Variants in PLA2G4E observed in about 807,000 individuals in gnomAD.
PLA2G4E encodes the protein phospholipase A2 group IVE.
In PLA2G4E, 84 loss-of-function variants were observed where a neutral mutation model predicts 109.1. The ratio of observed to expected loss-of-function variants is 0.77; its 90% confidence interval spans 0.65 to 0.92. The LOEUF (loss-of-function observed/expected upper bound fraction) is 0.92, where lower values mean the gene tolerates loss of function less well. Ranked by LOEUF, PLA2G4E falls within the 40% of genes least tolerant of loss-of-function variation. The pLI, the probability that PLA2G4E is intolerant of heterozygous loss-of-function variation, is 0.00. For synonymous variants in PLA2G4E, 469 were observed against 436.1 expected (o/e 1.08, Z -0.94); for missense variants, 1,057 against 1,076.6 (o/e 0.98, Z 0.25).
At chr15:41,995,469 C>T (rs751574904) in exon 12 of PLA2G4E, 2 of 1,613,996 alleles carry the variant, frequency 1.2e-6, no homozygotes. Context: ...GTTCCACCCC[C>T]AGTGGCCATG....
intron 1 of PLA2G4E, among the ~76,000 whole-genome samples, chr15:42,026,833 C>T (rs2068696603): frequency 6.6e-6 from 1 of 151,792 alleles, no homozygotes; most frequent in African/African-American, 2.4e-5. Flanking sequence ...ATTAGCTGGG[C>T]GTGGTGGTGG....
chr15:42,000,569 C>A lies in PLA2G4E; in HGVS notation c.674-287G>T, dbSNP rs899857840. Among the ~76,000 whole-genome samples, 8 of 152,306 alleles carry A rather than the reference C, an allele frequency of 5.3e-5. No homozygotes were observed. In the East Asian group the frequency reaches 1.5e-3, roughly 29 times the overall value. The stretch of plus-strand genomic sequence containing the variant: ...CTTGGCTCAGCTTTGCCAGAAGATG[C>A]CCCAAAGTAACCTGCCCACTGTAGA... On this transcript the variant is annotated intron_variant, in intron 7 of 19. Transcript: ENST00000399518.
chr15:42,012,197 CCTA>C (rs2068543180), intron 2 of PLA2G4E, among the ~76,000 whole-genome samples: 1 of 152,132 alleles, frequency 6.6e-6, no homozygotes, highest in Admixed American at 6.5e-5. Context: ...GTGACAGCTT[CCTA>C]CAAGTTCCCA....
chr15:42,013,279 T>C lies in PLA2G4E; in HGVS notation c.256+406A>G, dbSNP rs192939821. Among the ~76,000 whole-genome samples, 11 of 152,300 alleles carry C rather than the reference T, an allele frequency of 7.2e-5. No homozygotes were observed. The East Asian group carries it at 2.1e-3, about 29-fold the overall frequency. Reference sequence around the variant, plus strand: ...TCCACGATGCCTAAGTGCCTCTCCTTCCACTTCACCCCAACAGGCCCTAAC... The same window carrying C: ...TCCACGATGCCTAAGTGCCTCTCCTCCCACTTCACCCCAACAGGCCCTAAC... On this transcript the variant is annotated intron_variant, in intron 2 of 19. Transcript: ENST00000399518.
intron 10 of PLA2G4E, 199 bp from the exon 11 acceptor site, chr15:41,997,458 G>A (rs1371006597): frequency 4.2e-6 from 2 of 481,094 alleles, no homozygotes; most frequent in Non-Finnish European, 6.9e-6. Context: ...CACTTAAAGA[G>A]ATAACAAATG....
chr15:41,999,482 T>C (rs775624580), intron 10 of PLA2G4E, 42 bp downstream of exon 10: 2 of 1,446,758 alleles, frequency 1.4e-6, no homozygotes, highest in East Asian at 2.3e-5. Context: ...CACCCACTGC[T>C]ATGAATAAGT....
intron 1 of PLA2G4E, among the ~76,000 whole-genome samples, 195 bp from the exon 2 acceptor site, chr15:42,013,952 C>G (rs534285282): frequency 1.4e-5 from 2 of 141,660 alleles, no homozygotes; most frequent in Non-Finnish European, 3.0e-5. Context: ...AGTGCCATGG[C>G]GCGATCTCGG....
intron 1 of PLA2G4E, among the ~76,000 whole-genome samples, chr15:42,017,539 A>C (rs1271766662): frequency 6.6e-6 from 1 of 152,202 alleles, no homozygotes; most frequent in Non-Finnish European, 1.5e-5. Flanking sequence ...GTCAGAGGCT[A>C]AGTCCTTTGA....
chr15:42,050,494 A>AC lies in PLA2G4E; in HGVS notation c.183+26dup, dbSNP rs35723595. On this transcript the variant is annotated intron_variant, in intron 1 of 19. Transcript: ENST00000399518. ...GTGAGGTTAAAATTTAAGGGACCAG[A>AC]CCCCCCTCCCAGGAACACAGACATA... The AC allele has an allele frequency of 6.0e-4, 923 of 1,542,934 alleles. 11 individuals carry two copies. The South Asian group carries it at 6.4e-3, about 11-fold the overall frequency.
chr15:41,991,450 G>A (rs568466703), intron 13 of PLA2G4E, among the ~76,000 whole-genome samples: 48 of 150,530 alleles, frequency 3.2e-4, no homozygotes, highest in Admixed American at 1.7e-3. Context: ...TCCCAAGGCC[G>A]ATGCCCTTGG....
chr15:41,995,568 G>A (rs115303075), intron 11 of PLA2G4E, 72 bp from the exon 12 acceptor site: 15 of 1,578,754 alleles, frequency 9.5e-6, no homozygotes, highest in East Asian at 2.3e-5. Flanking sequence ...TTAGAATGAC[G>A]GCAACTTTGA....
rs532381441 is a variant in PLA2G4E at position 42,036,920 on chromosome 15, C to T, written c.183+13601G>A. Among the ~76,000 whole-genome samples, 25 of 152,310 alleles carry T rather than the reference C, an allele frequency of 1.6e-4. 1 individual carries two copies. In the South Asian group the frequency reaches 4.6e-3, roughly 28 times the overall value. On this transcript the variant is annotated intron_variant, in intron 1 of 19. Transcript: ENST00000399518. The stretch of plus-strand genomic sequence containing the variant: ...TGCCTGCTCCCGTTGCCTGGCTTCT[C>T]CCCGCTGCCGGCGCCCACTCCGATC...
chr15:42,037,444 A>T (rs553325557), intron 1 of PLA2G4E, among the ~76,000 whole-genome samples: 60 of 152,236 alleles, frequency 3.9e-4, no homozygotes, highest in Non-Finnish European at 6.3e-4. Flanking sequence ...ACTAGTAGGG[A>T]CGCCCTGGCT....
At chr15:42,014,249 G>T (rs559945869) in intron 1 of PLA2G4E, among the ~76,000 whole-genome samples, 2 of 152,238 alleles carry the variant, frequency 1.3e-5, no homozygotes, top group African/African-American at 2.4e-5. Flanking sequence ...AGCCTGGAAG[G>T]TCCTGGAAGC....
intron 1 of PLA2G4E, among the ~76,000 whole-genome samples, chr15:42,020,072 G>GT (rs778502815): frequency 6.6e-5 from 10 of 152,246 alleles, no homozygotes; most frequent in Non-Finnish European, 1.3e-4. Flanking sequence ...AGGAGGCAGT[G>GT]TCTACCTGGC....
chr15:41,997,485 T>C, intron 10 of PLA2G4E: 1 of 393,982 alleles, frequency 2.5e-6, no homozygotes, highest in Non-Finnish European at 4.5e-6. Flanking sequence ...CCCCAAAGCC[T>C]TAGCTGGCAC....
At chr15:42,037,172 G>A (rs1053316360) in intron 1 of PLA2G4E, among the ~76,000 whole-genome samples, 1 of 152,222 alleles carries the variant, frequency 6.6e-6, no homozygotes, top group Non-Finnish European at 1.5e-5. Context: ...ATAGGTGGCA[G>A]CAGAAGGCAG....
intron 2 of PLA2G4E, among the ~76,000 whole-genome samples, chr15:42,011,387 T>G (rs2068534074): frequency 1.3e-5 from 2 of 152,236 alleles, no homozygotes; most frequent in Non-Finnish European, 2.9e-5. Context: ...CATGGGGGCA[T>G]GCAGCCAGGT....
At chr15:41,987,039 TG>T in intron 17 of PLA2G4E, 132 bp downstream of exon 17, 1 of 895,940 alleles carries the variant, frequency 1.1e-6, no homozygotes, top group Non-Finnish European at 1.7e-6. Flanking sequence ...GAAAACACCA[TG>T]GGGAGAGAGG....
Sources: gnomAD v4.1 joint callset for allele counts (sites outside exome capture counted in the v4.1 genomes callset) on GRCh38, gnomAD v4.1.1 for gene constraint, MANE v1.5 for transcripts, NCBI Gene and HGNC (gene_info 2026-07-23, HGNC 2026-07-21) for gene names.